Variants in TUT4 observed in about 807,000 individuals in gnomAD.
TUT4 encodes terminal uridylyl transferase 4.
TUT4 carries 36 observed loss-of-function variants against 192.2 expected under a neutral mutation model. That is an observed-to-expected ratio of 0.19 (90% CI 0.14 to 0.25). The LOEUF (loss-of-function observed/expected upper bound fraction) is 0.25. Ranked by LOEUF, TUT4 falls within the 10% of genes least tolerant of loss-of-function variation. The pLI is 1.00. For missense variants in TUT4, 1,493 were observed against 1,957.2 expected (o/e 0.76, Z 4.47); for synonymous variants, 618 against 666.0 (o/e 0.93, Z 1.11).
chr1:52,485,445 A>G (rs192129316), intron 9 of TUT4, among the ~76,000 whole-genome samples: 1 of 152,252 alleles, frequency 6.6e-6, no homozygotes, highest in Non-Finnish European at 1.5e-5. Context: ...ATTTACATTC[A>G]ATTATTTCAT....
intron 1 of TUT4, among the ~76,000 whole-genome samples, chr1:52,527,836 C>T (rs572132575): frequency 5.9e-5 from 9 of 152,138 alleles, no homozygotes; most frequent in South Asian, 4.1e-4. Flanking sequence ...GTATATATGG[C>T]AACTTTGCAC....
At chr1:52,479,015 G>A (rs1004991501) in intron 11 of TUT4, among the ~76,000 whole-genome samples, 1 of 152,088 alleles carries the variant, frequency 6.6e-6, no homozygotes, top group Non-Finnish European at 1.5e-5. Flanking sequence ...AGTTGAGTAC[G>A]CTAAAAAGGA....
chr1:52,431,331 G>T lies in TUT4; in HGVS notation c.4393C>A (p.Gln1465Lys), dbSNP rs1261251144. ...GGCATCTGGACCTGATGGGGAGGTTGGGCTCCCTGCTGAGGTGGGCCAAGC... is the reference window on the plus strand; with the variant it reads ...GGCATCTGGACCTGATGGGGAGGTTTGGCTCCCTGCTGAGGTGGGCCAAGC... ...PKLGPPQQGAQPPHQVQMPLY... is the reference protein window; with the variant it reads ...PKLGPPQQGAKPPHQVQMPLY... The change falls in exon 28 of 30, where the codon CAA becomes AAA. Residue 1465 changes from glutamine (Q) to lysine (K), a missense_variant. By Grantham distance (53) the Gln-to-Lys change is moderately conservative (BLOSUM62 1). This residue lies in a region of TUT4 where 351 missense variants were observed against 397.8 expected (regional missense o/e 0.88). Coordinates refer to ENST00000257177, the MANE Select transcript of TUT4 (RefSeq NM_001009881.3). The T allele has an allele frequency of 6.2e-7, 1 of 1,614,044 alleles. No individual in the cohort carries two copies. Among genetic ancestry groups the T allele is most frequent in the Non-Finnish European group, 8.5e-7 (1 of 1,180,030 alleles).
intron 4 of TUT4, among the ~76,000 whole-genome samples, chr1:52,505,071 T>G (rs1158579544): frequency 6.6e-6 from 1 of 152,198 alleles, no homozygotes; most frequent in East Asian, 1.9e-4. Flanking sequence ...AAACCCTGCT[T>G]TCAATTCTTT....
At chr1:52,463,540 T>G in intron 16 of TUT4, 1 of 1,175,510 alleles carries the variant, frequency 8.5e-7, no homozygotes, top group Non-Finnish European at 1.1e-6. Context: ...TTTTATAATG[T>G]AACAGAGGCG....
intron 21 of TUT4, 60 bp from the exon 22 acceptor site, chr1:52,446,502 C>A: frequency 6.5e-7 from 1 of 1,549,912 alleles, no homozygotes. Context: ...AAAACATGGA[C>A]AGCAAATTTA....
chr1:52,441,444 A>ATCTTTTTTTTTTT (rs1553160600), intron 24 of TUT4, among the ~76,000 whole-genome samples: 1 of 119,982 alleles, frequency 8.3e-6, no homozygotes, highest in African/African-American at 3.7e-5. Flanking sequence ...TCTCGGCTAA[A>ATCTTTTTTTTTTT]TTTTTTTTTT....
At chr1:52,542,155 A>G (rs1314181301) in intron 1 of TUT4, among the ~76,000 whole-genome samples, 1 of 152,236 alleles carries the variant, frequency 6.6e-6, no homozygotes, top group East Asian at 1.9e-4. Context: ...ATCATAGAGA[A>G]ATAAAGTAGA....
intron 3 of TUT4, chr1:52,514,751 T>C (rs2149355737): frequency 6.6e-6 from 1 of 152,146 alleles, no homozygotes; most frequent in East Asian, 1.9e-4. Flanking sequence ...AACCCAAGTA[T>C]CTGTTTGTCA....
intron 11 of TUT4, among the ~76,000 whole-genome samples, chr1:52,479,777 G>A (rs879836652): frequency 6.6e-6 from 1 of 151,974 alleles, no homozygotes; most frequent in African/African-American, 2.4e-5. Flanking sequence ...GGTGGATCAC[G>A]AGATCAGGAG....
intron 4 of TUT4, among the ~76,000 whole-genome samples, chr1:52,504,612 A>G (rs1433193937): frequency 6.6e-6 from 1 of 152,226 alleles, no homozygotes; most frequent in African/African-American, 2.4e-5. Flanking sequence ...TCTGGGCGAT[A>G]GAGCAAGACT....
intron 15 of TUT4, among the ~76,000 whole-genome samples, chr1:52,466,676 A>T (rs1287120379): frequency 0.013 from 1,856 of 137,654 alleles, 49 homozygotes; most frequent in African/African-American, 0.053. Flanking sequence ...ATATATATAT[A>T]TATATATTTT....
At chr1:52,425,002 CA>C (rs993929517) in intron 29 of TUT4, 234 of 167,100 alleles carry the variant, frequency 1.4e-3, no homozygotes, top group Middle Eastern at 0.011. Context: ...CATCTCTAGG[CA>C]AAAAAAAAAT....
At chr1:52,483,855 C>T (rs1359849277) in intron 9 of TUT4, among the ~76,000 whole-genome samples, 3 of 151,894 alleles carry the variant, frequency 2.0e-5, no homozygotes, top group Non-Finnish European at 4.4e-5. Flanking sequence ...TTATTTATTG[C>T]AAGGTGTGGT....
rs544735832 is a variant in TUT4 at position 52,507,955 on chromosome 1, C to T, written c.999+1641G>A. 1.1e-4 allele frequency among the ~76,000 whole-genome samples: 17 copies of T among 152,176 alleles called. No individual in the cohort carries two copies. The South Asian group carries it at 3.5e-3, about 32-fold the overall frequency. On this transcript the variant is annotated intron_variant, in intron 4 of 29. Transcript: ENST00000257177. The stretch of plus-strand genomic sequence containing the variant: ...CCTCCCAAGAAGCTGGGATTACAGG[C>T]ACATGCCACCATGCCCAGCTAATTT...
chr1:52,491,608 A>G (rs1186018685), intron 7 of TUT4, among the ~76,000 whole-genome samples: 1 of 152,042 alleles, frequency 6.6e-6, no homozygotes, highest in African/African-American at 2.4e-5. Flanking sequence ...AACTGCTTGA[A>G]CCCAGGAGGC....
chr1:52,531,947 G>A (rs1435259863), intron 1 of TUT4, among the ~76,000 whole-genome samples: 1 of 131,566 alleles, frequency 7.6e-6, no homozygotes, highest in East Asian at 2.3e-4. Context: ...CCAAGCTGGA[G>A]TGCACTCTCA....
rs527520557 is a variant in TUT4, at chr1:52,520,949, T to A, written c.718+4614A>T. Among the ~76,000 whole-genome samples, 4 of 152,192 alleles carry A rather than the reference T, an allele frequency of 2.6e-5. No homozygotes were observed. The East Asian group carries it at 7.7e-4, about 29-fold the overall frequency. ...CTGGTGCTACAGGCACACGCCACCATACCTGGCTAGTTTTTTGTATTTTTA... is the reference window on the plus strand; with the variant it reads ...CTGGTGCTACAGGCACACGCCACCAAACCTGGCTAGTTTTTTGTATTTTTA... On this transcript the variant is annotated intron_variant, in intron 2 of 29. Transcript: ENST00000257177.
At chr1:52,493,211 G>A (rs1671622200) in intron 7 of TUT4, among the ~76,000 whole-genome samples, 1 of 152,146 alleles carries the variant, frequency 6.6e-6, no homozygotes, top group South Asian at 2.1e-4. Context: ...AGTCTCCCGA[G>A]TAGCTGGGAC....
Sources: allele counts gnomAD v4.1 joint callset (sites outside exome capture counted in the v4.1 genomes callset), GRCh38; gene constraint gnomAD v4.1.1; regional missense constraint gnomAD v4.1.1; transcripts MANE v1.5; gene names NCBI Gene and HGNC (gene_info 2026-07-23, HGNC 2026-07-21).